The following FAM228B variants were observed in gnomAD, a reference collection of about 807,000 sequenced individuals.
The protein encoded by FAM228B is family with sequence similarity 228 member B, also known as protein FAM228B.
Under a neutral mutation model 42.6 loss-of-function variants are expected in FAM228B, and 38 were observed. The observed-to-expected ratio is 0.89, with a 90% CI of 0.69 to 1.17. The LOEUF (loss-of-function observed/expected upper bound fraction) is 1.17, where lower values mean the gene tolerates loss of function less well. FAM228B is among the 50% of genes most tolerant of loss of function. The probability of loss-of-function intolerance (pLI) is 0.00; values close to 1 mark genes in which losing one functional copy is unlikely to be tolerated. For synonymous variants in FAM228B, 109 were observed against 122.3 expected (o/e 0.89, Z 0.72); for missense variants, 344 against 367.3 (o/e 0.94, Z 0.52).
In FAM228B at chr2:24,164,342, G is replaced by C. The variant is rs1363229015; in HGVS notation, c.932+7G>C. On this transcript the variant is annotated splice_region_variant and intron_variant, in intron 9 of 10. Transcript: ENST00000615575. ...GGGAGGAAGACCAGGATGGGTAAGA[G>C]CTGGGGCTGTCCCATTTCATCATAC... The C allele has an allele frequency of 1.3e-6, 2 of 1,548,408 alleles. No homozygotes were observed. The highest frequency in any genetic ancestry group is 2.0e-5 in the Admixed American group (1 of 50,592).
intron 9 of FAM228B, chr2:24,165,770 G>A (rs1007368990): frequency 4.5e-4 from 121 of 268,376 alleles, no homozygotes; most frequent in Middle Eastern, 2.8e-3. Context: ...GGCCATGTGC[G>A]GTGGCTCATG....
chr2:24,123,490 G>A lies in FAM228B; in HGVS notation c.-76G>A, dbSNP rs1666196158. The A allele has an allele frequency of 6.6e-6, 1 of 152,206 alleles. No homozygotes were observed. Among genetic ancestry groups the A allele is most frequent in the Non-Finnish European group, 1.5e-5 (1 of 68,046 alleles). 9.4% of individuals were successfully genotyped at this position (152,206 alleles called of 1,614,324 possible). A position where few individuals can be genotyped will look rare whatever the true frequency, so the allele number is the denominator to read the frequency against. On this transcript the variant is annotated 5_prime_UTR_variant, in exon 1 of 11. Coordinates refer to ENST00000615575, the MANE Select transcript of FAM228B (RefSeq NM_001145710.2). ...GCGCGGACTCGCTGTGGAACCCGCGGCGCAGGGGGCGGAGTGCTCGCGCGG... is the reference window on the plus strand; with the variant it reads ...GCGCGGACTCGCTGTGGAACCCGCGACGCAGGGGGCGGAGTGCTCGCGCGG...
chr2:24,119,523 C>A, upstream of FAM228B: 1 of 1,306,094 alleles, frequency 7.7e-7, no homozygotes, highest in South Asian at 1.3e-5. Context: ...TACTCGTAGT[C>A]GGAAGACCCA....
chr2:24,079,733 C>T (rs1380671022), intron 1 of FAM228B: 2 of 1,234,500 alleles, frequency 1.6e-6, no homozygotes, highest in East Asian at 4.7e-5. Flanking sequence ...AATACAGATG[C>T]AAGTGGTAAA....
At chr2:24,086,619 G>A (rs983479593) in intron 2 of FAM228B, among the ~76,000 whole-genome samples, 3 of 151,732 alleles carry the variant, frequency 2.0e-5, no homozygotes, top group Non-Finnish European at 4.4e-5. Flanking sequence ...TCCTGCCTCA[G>A]CCTCCCAAAG....
chr2:24,083,130 G>A (rs752287490), intron 2 of FAM228B: 1 of 1,612,922 alleles, frequency 6.2e-7, no homozygotes, highest in Non-Finnish European at 8.5e-7. Flanking sequence ...GGCTCCTGGA[G>A]GTGGGTCATA....
chr2:24,148,743 T>C (rs1666953797), intron 7 of FAM228B, among the ~76,000 whole-genome samples: 1 of 152,186 alleles, frequency 6.6e-6, no homozygotes, highest in Admixed American at 6.5e-5. Flanking sequence ...TATACCCTTT[T>C]AGTTATTTTT....
At chr2:24,154,690 T>TAA (rs1667094408) in intron 7 of FAM228B, among the ~76,000 whole-genome samples, 1 of 152,260 alleles carries the variant, frequency 6.6e-6, no homozygotes, top group Non-Finnish European at 1.5e-5. Context: ...GCAGGTTTTG[T>TAA]GTCCTGCCTC....
At chr2:24,157,001 C>T (rs747854634) in intron 7 of FAM228B, among the ~76,000 whole-genome samples, 13 of 152,030 alleles carry the variant, frequency 8.6e-5, no homozygotes, top group Non-Finnish European at 1.9e-4. Context: ...CTGCTGTACC[C>T]CAGAGGTTAT....
At chr2:24,105,677 A>T (rs1174922908) in intron 3 of FAM228B, among the ~76,000 whole-genome samples, 1 of 152,244 alleles carries the variant, frequency 6.6e-6, no homozygotes, top group African/African-American at 2.4e-5. Flanking sequence ...ATCAAGATTC[A>T]GGAGAATTCA....
At chr2:24,124,141 G>C in intron 1 of FAM228B, 189 bp from the exon 2 acceptor site, 1 of 412,318 alleles carries the variant, frequency 2.4e-6, no homozygotes, top group South Asian at 4.7e-5. Flanking sequence ...AGAGCATCTC[G>C]CCTGCTTATA....
intron 7 of FAM228B, among the ~76,000 whole-genome samples, chr2:24,151,216 G>T (rs1340948571): frequency 6.6e-6 from 1 of 151,802 alleles, no homozygotes; most frequent in Non-Finnish European, 1.5e-5. Context: ...GCTATTAAAA[G>T]ACTCTGATGT....
intron 2 of FAM228B, among the ~76,000 whole-genome samples, chr2:24,125,677 C>T (rs1428491529): frequency 6.6e-6 from 1 of 152,176 alleles, no homozygotes; most frequent in Non-Finnish European, 1.5e-5. Context: ...CCTCCTACCT[C>T]AGCCTCCTGA....
At chr2:24,106,701 A>G (rs1459483954) in intron 3 of FAM228B, among the ~76,000 whole-genome samples, 1 of 152,120 alleles carries the variant, frequency 6.6e-6, no homozygotes. Flanking sequence ...AAGGAGAAAT[A>G]AGATGATTTT....
chr2:24,077,826 C>T lies in FAM228B; in HGVS notation c.-290+857C>T, dbSNP rs1664826356. 6.5e-7 allele frequency: 1 copy of T among 1,540,276 alleles called. No homozygotes were observed. The highest frequency in any genetic ancestry group is 8.8e-7 in the Non-Finnish European group (1 of 1,138,176). On this transcript the variant is annotated intron_variant, in intron 1 of 10. Transcript: ENST00000613899. This position sits in a 1 kb window ranked among gnomAD's most constrained non-coding sequence, Gnocchi z 5.5. ...GCCTCACCCTGCCCTCCTCATCCTC[C>T]TCAGCCTTCTTGCTCTCTCTGAAGC...
At chr2:24,131,914 C>T (rs1189281125) in intron 2 of FAM228B, among the ~76,000 whole-genome samples, 2 of 152,152 alleles carry the variant, frequency 1.3e-5, no homozygotes, top group Non-Finnish European at 2.9e-5. Flanking sequence ...TGCTGGTTTT[C>T]AAAGGAAATG....
intron 2 of FAM228B, among the ~76,000 whole-genome samples, chr2:24,132,497 T>TAGGC (rs1387387012): frequency 3.5e-5 from 5 of 143,050 alleles, no homozygotes; most frequent in African/African-American, 1.3e-4. Flanking sequence ...TTTTGGTTGA[T>TAGGC]AGGCTATTAA....
At chr2:24,082,928 G>C in intron 2 of FAM228B, 1 of 1,613,138 alleles carries the variant, frequency 6.2e-7, no homozygotes, top group Non-Finnish European at 8.5e-7. Flanking sequence ...AGGCCTCTGG[G>C]ATGGCTGCAG....
chr2:24,082,979 C>T (rs772494388), intron 2 of FAM228B: 52 of 1,614,068 alleles, frequency 3.2e-5, no homozygotes, highest in Admixed American at 2.7e-4. Context: ...GCATGAGGAG[C>T]CCTTCGGGGA....
Sources: allele counts gnomAD v4.1 joint callset (sites outside exome capture counted in the v4.1 genomes callset), GRCh38; gene constraint gnomAD v4.1.1; non-coding constraint Gnocchi (gnomAD v3.1); transcripts MANE v1.5; gene names NCBI Gene and HGNC (gene_info 2026-07-23, HGNC 2026-07-21).